Variants in DAP observed in about 807,000 individuals in gnomAD.
The protein encoded by DAP is death associated protein.
A neutral mutation model predicts 13.8 loss-of-function variants in DAP; 8 were observed. That is an observed-to-expected ratio of 0.58 (90% CI 0.34 to 1.05). The LOEUF (loss-of-function observed/expected upper bound fraction) is 1.05. Among genes scored for constraint, DAP ranks in the 50% least tolerant of loss-of-function variants. The pLI, the probability that DAP is intolerant of heterozygous loss-of-function variation, is 0.03. For synonymous variants in DAP, 47 were observed against 47.5 expected, an observed-to-expected ratio of 0.99 and a Z score of 0.04; for missense variants, 106 against 133.2, an observed-to-expected ratio of 0.80 and a Z score of 1.01.
At chr5:10,756,469 G>A (rs886799146) in intron 1 of DAP, among the ~76,000 whole-genome samples, 3 of 152,164 alleles carry the variant, frequency 2.0e-5, no homozygotes, top group Non-Finnish European at 2.9e-5. Context: ...CATGTCTGAC[G>A]TATCAATTAG....
At chr5:10,712,984 T>A (rs1205815858) in intron 2 of DAP, among the ~76,000 whole-genome samples, 1 of 152,106 alleles carries the variant, frequency 6.6e-6, no homozygotes, top group African/African-American at 2.4e-5. Flanking sequence ...AGTGCAGGCC[T>A]CCATACGACA....
intron 2 of DAP, among the ~76,000 whole-genome samples, chr5:10,688,825 A>G (rs1738223252): frequency 2.0e-5 from 3 of 151,710 alleles, no homozygotes; most frequent in Admixed American, 2.0e-4. Flanking sequence ...ATCCAGCAGT[A>G]GGGCGCCAGC....
chr5:10,734,945 T>C (rs1221398246), intron 2 of DAP, among the ~76,000 whole-genome samples: 1 of 152,226 alleles, frequency 6.6e-6, no homozygotes, highest in African/African-American at 2.4e-5. Context: ...ACCGGCCTCC[T>C]GGTCCTGAGA....
chr5:10,688,797 C>T (rs554580691), intron 2 of DAP, among the ~76,000 whole-genome samples: 1 of 151,766 alleles, frequency 6.6e-6, no homozygotes, highest in South Asian at 2.1e-4. Context: ...GAGTGGAACT[C>T]CAGGACGCAG....
chr5:10,756,374 T>A (rs1319571278), intron 1 of DAP, among the ~76,000 whole-genome samples: 34 of 151,910 alleles, frequency 2.2e-4, no homozygotes, highest in Non-Finnish European at 2.6e-4. Flanking sequence ...GTCTTCTGTT[T>A]CTAGCAATGG....
At chr5:10,732,505 A>G (rs1006381870) in intron 2 of DAP, among the ~76,000 whole-genome samples, 1 of 152,188 alleles carries the variant, frequency 6.6e-6, no homozygotes, top group Admixed American at 6.5e-5. Flanking sequence ...TTCCTCCATG[A>G]CTGTATCATT....
rs1015051733 is a variant in DAP at position 10,704,309 on chromosome 5, T to C, written c.153-20738A>G. Among the ~76,000 whole-genome samples the C allele has an allele frequency of 4.3e-4, 66 of 152,236 alleles. 1 individual carries two copies. The highest frequency in any genetic ancestry group is 1.3e-4 in the Admixed American group (2 of 15,284). ...TACACTAAGTAGGATTTAGGGACCA[T>C]AAATATCCTCACATCAGCTCAATTT... On this transcript the variant is annotated intron_variant, in intron 2 of 3. Coordinates refer to ENST00000230895, the MANE Select transcript of DAP (RefSeq NM_004394.3).
intron 2 of DAP, among the ~76,000 whole-genome samples, chr5:10,729,423 T>C (rs964837695): frequency 6.6e-5 from 10 of 152,230 alleles, no homozygotes; most frequent in African/African-American, 2.2e-4. Flanking sequence ...AAACAGCAAT[T>C]ACTTCTCTTA....
intron 2 of DAP, among the ~76,000 whole-genome samples, chr5:10,722,585 T>TACATATATACATATATATACATATATAC (rs1739179192): frequency 3.1e-5 from 4 of 128,664 alleles, no homozygotes; most frequent in Admixed American, 1.5e-4. Flanking sequence ...TACATATATA[T>TACATATATACATATATATACATATATAC]ACATATATAC....
intron 2 of DAP, among the ~76,000 whole-genome samples, chr5:10,695,664 T>C (rs1364125080): frequency 6.6e-6 from 1 of 152,192 alleles, no homozygotes; most frequent in Non-Finnish European, 1.5e-5. Flanking sequence ...AATCTGCCCC[T>C]TCCTCAGAAC....
intron 2 of DAP, among the ~76,000 whole-genome samples, chr5:10,686,900 A>C (rs1738171101): frequency 6.6e-6 from 1 of 152,248 alleles, no homozygotes; most frequent in African/African-American, 2.4e-5. Context: ...ACACAGCTAG[A>C]GAGGGAAGTC....
intron 2 of DAP, among the ~76,000 whole-genome samples, chr5:10,705,090 T>G (rs1738665900): frequency 6.6e-6 from 1 of 152,192 alleles, no homozygotes; most frequent in Admixed American, 6.5e-5. Context: ...TCTGAGAGAC[T>G]GAAATGCCCC....
At chr5:10,694,767 T>C (rs1579788945) in intron 2 of DAP, among the ~76,000 whole-genome samples, 1 of 152,268 alleles carries the variant, frequency 6.6e-6, no homozygotes, top group African/African-American at 2.4e-5. Flanking sequence ...GCTCTTCTCA[T>C]GCACTGATGA....
rs770453477 is a variant in DAP, at chr5:10,680,748, C to T, written c.*308G>A. On this transcript the variant is annotated 3_prime_UTR_variant, in exon 4 of 4. Coordinates refer to ENST00000230895, the MANE Select transcript of DAP (RefSeq NM_004394.3). ...TTGTTTTTAAGACCATAGACAAGGA[C>T]GTCAGGTGACTGCTGAAATAGAACT... is the stretch of plus-strand genomic sequence containing the variant. 46 of 1,536,426 alleles carry T rather than the reference C, an allele frequency of 3.0e-5. 1 individual carries two copies. The South Asian group carries it at 4.8e-4, about 16-fold the overall frequency.
chr5:10,705,243 G>A lies in DAP; in HGVS notation c.153-21672C>T, dbSNP rs748547373. ...ACCGCGGCCCACACTACACACGGTC[G>A]TGACACATGTATTAAAGGCTGAGTT... is the stretch of plus-strand genomic sequence containing the variant. On this transcript the variant is annotated intron_variant, in intron 2 of 3. Transcript: ENST00000230895. Among the ~76,000 whole-genome samples the A allele has an allele frequency of 7.9e-5, 12 of 152,290 alleles. No individual in the cohort carries two copies. In the South Asian group the frequency reaches 8.3e-4, roughly 11 times the overall value.
At chr5:10,739,207 A>AAAAG (rs1739692458) in intron 2 of DAP, among the ~76,000 whole-genome samples, 1 of 124,666 alleles carries the variant, frequency 8.0e-6, no homozygotes, top group African/African-American at 2.8e-5. Flanking sequence ...GAATCAAAAA[A>AAAAG]AAAAAAAAAA....
intron 2 of DAP, among the ~76,000 whole-genome samples, chr5:10,741,006 T>C (rs1044968718): frequency 1.3e-5 from 2 of 152,238 alleles, no homozygotes; most frequent in Non-Finnish European, 2.9e-5. Context: ...TAGAGCTGAC[T>C]GTTCACATGT....
At chr5:10,683,375 G>A (rs762068985) in intron 3 of DAP, 154 bp downstream of exon 3, 18 of 822,910 alleles carry the variant, frequency 2.2e-5, no homozygotes, top group Non-Finnish European at 3.8e-5. Flanking sequence ...CAGCCTCTGG[G>A]GAAACGCGGC....
intron 1 of DAP, among the ~76,000 whole-genome samples, chr5:10,753,372 A>T (rs1365928006): frequency 6.6e-6 from 1 of 152,192 alleles, no homozygotes; most frequent in Non-Finnish European, 1.5e-5. Flanking sequence ...TCTGAGAGTA[A>T]CTCAAAGGAA....
Sources: gnomAD v4.1 joint callset for allele counts (sites outside exome capture counted in the v4.1 genomes callset) on GRCh38, gnomAD v4.1.1 for gene constraint, MANE v1.5 for transcripts, NCBI Gene and HGNC (gene_info 2026-07-23, HGNC 2026-07-21) for gene names.